Variants in MSI2 observed in about 807,000 individuals in gnomAD.
The protein encoded by MSI2 is RNA-binding protein Musashi homolog 2.
MSI2 carries 17 observed loss-of-function variants against 45.6 expected under a neutral mutation model. The observed-to-expected ratio is 0.37, with a 90% confidence interval of 0.26 to 0.56. The LOEUF (loss-of-function observed/expected upper bound fraction) is 0.56, where lower values mean the gene tolerates loss of function less well. MSI2 is among the 20% of genes least tolerant of loss of function. The pLI is 0.77. For missense variants in MSI2, 293 were observed against 444.2 expected (o/e 0.66, Z 3.06); for synonymous variants, 156 against 158.2 (o/e 0.99, Z 0.11).
downstream of MSI2, among the ~76,000 whole-genome samples, chr17:57,687,038 T>C (rs939002086): frequency 6.8e-6 from 1 of 146,868 alleles, no homozygotes; most frequent in African/African-American, 2.5e-5. Context: ...AAACAAATAA[T>C]TAACATGTGG....
chr17:57,449,064 C>A (rs1323645678), intron 6 of MSI2: 1 of 152,260 alleles, frequency 6.6e-6, no homozygotes, highest in Admixed American at 6.5e-5. Context: ...AGGGTTGACA[C>A]CCACATATCA....
intron 11 of MSI2, among the ~76,000 whole-genome samples, chr17:57,653,503 G>A (rs904751192): frequency 5.3e-5 from 8 of 152,146 alleles, no homozygotes; most frequent in Non-Finnish European, 1.0e-4. Context: ...GGGCCCCGGG[G>A]GCGGGGTGCA....
At chr17:57,636,423 G>A (rs570931317) in intron 10 of MSI2, among the ~76,000 whole-genome samples, 127 of 152,296 alleles carry the variant, frequency 8.3e-4, no homozygotes, top group African/African-American at 3.0e-3. Context: ...ACCGGGGGGA[G>A]CAACTTCAGA....
At chr17:57,477,145 GGTGTGTGTGTGTGTGTGTGTGTGT>G (rs59127306) in intron 6 of MSI2, among the ~76,000 whole-genome samples, 25 of 118,656 alleles carry the variant, frequency 2.1e-4, no homozygotes, top group South Asian at 1.3e-3. Flanking sequence ...CATAAGGCCT[GGTGTGTGTGTGTGTGTGTGTGTGT>G]GTGTGTGTGT....
chr17:57,456,518 C>T (rs548802084), intron 6 of MSI2, among the ~76,000 whole-genome samples: 2 of 152,178 alleles, frequency 1.3e-5, no homozygotes, highest in East Asian at 1.9e-4. Context: ...TTGCTTGAAC[C>T]TGGGAGGCAG....
At chr17:57,581,882 G>A (rs1031539927) in intron 7 of MSI2, among the ~76,000 whole-genome samples, 1 of 152,228 alleles carries the variant, frequency 6.6e-6, no homozygotes, top group Non-Finnish European at 1.5e-5. Flanking sequence ...TATTCAGAAT[G>A]CTAATAGAAT....
chr17:57,481,693 CCTAA>C (rs2085650729), intron 6 of MSI2, among the ~76,000 whole-genome samples: 1 of 152,126 alleles, frequency 6.6e-6, no homozygotes, highest in African/African-American at 2.4e-5. Flanking sequence ...TCATTTGCTC[CCTAA>C]CTTTTACCCC....
chr17:57,680,714 T>A lies in MSI2; in HGVS notation c.*1197T>A, dbSNP rs1459835896. 8 of 171,676 alleles carry A rather than the reference T, an allele frequency of 4.7e-5. No homozygotes were observed. In the East Asian group the frequency reaches 7.7e-4, roughly 16 times the overall value. The allele number at this position is 171,676 out of a possible 1,614,324, so 10.6% of individuals were successfully genotyped here. A position where few individuals can be genotyped will look rare whatever the true frequency, so the allele number is the denominator to read the frequency against. Reference sequence around the variant, plus strand: ...TAAAAACAAAGCTACAATTTTAATATTTAACATATTTAAAGTTTCAAAGCA... The same window carrying A: ...TAAAAACAAAGCTACAATTTTAATAATTAACATATTTAAAGTTTCAAAGCA... On this transcript the variant is annotated 3_prime_UTR_variant, in exon 14 of 14. Transcript: ENST00000284073.
chr17:57,445,324 T>G (rs12949258), intron 6 of MSI2, among the ~76,000 whole-genome samples: 62,020 of 152,044 alleles, frequency 0.41, 12,892 homozygotes, highest in Middle Eastern at 0.47. Flanking sequence ...TACAAGCCTT[T>G]TATGTGACAT....
intron 5 of MSI2, among the ~76,000 whole-genome samples, chr17:57,312,613 G>A (rs2143614977): frequency 6.6e-6 from 1 of 152,314 alleles, no homozygotes. Flanking sequence ...TCCTGTGTGA[G>A]AAGGAAAAGA....
chr17:57,432,703 C>G (rs1371223400), intron 6 of MSI2: 1 of 152,696 alleles, frequency 6.5e-6, no homozygotes, highest in African/African-American at 2.4e-5. Flanking sequence ...ACTGACCTCA[C>G]TGACTCCAGT....
chr17:57,402,281 C>T (rs1174683687), intron 6 of MSI2, among the ~76,000 whole-genome samples: 1 of 152,136 alleles, frequency 6.6e-6, no homozygotes. Flanking sequence ...TTTGTGTATA[C>T]CACCCTCCTC....
intron 6 of MSI2, among the ~76,000 whole-genome samples, chr17:57,518,452 G>A (rs1049487440): frequency 5.9e-5 from 9 of 152,170 alleles, no homozygotes; most frequent in African/African-American, 9.7e-5. Context: ...ATATCAGCCC[G>A]TATTAGGACA....
intron 7 of MSI2, among the ~76,000 whole-genome samples, chr17:57,550,790 G>A (rs62058104): frequency 0.16 from 23,967 of 152,000 alleles, 2,121 homozygotes; most frequent in Middle Eastern, 0.23. Context: ...TAGACAGTTC[G>A]CACATCCAAG....
chr17:57,275,730 A>G (rs1908782139), intron 5 of MSI2, among the ~76,000 whole-genome samples: 1 of 152,158 alleles, frequency 6.6e-6, no homozygotes. Flanking sequence ...TAGTGTGTAG[A>G]GGACGGAAAG....
At chr17:57,405,300 G>C (rs775897296) in intron 6 of MSI2, among the ~76,000 whole-genome samples, 4 of 152,200 alleles carry the variant, frequency 2.6e-5, no homozygotes, top group Non-Finnish European at 4.4e-5. Flanking sequence ...GATGAAAGCA[G>C]CCATCACCAG....
At chr17:57,498,663 C>T (rs922474089) in intron 6 of MSI2, among the ~76,000 whole-genome samples, 4 of 152,220 alleles carry the variant, frequency 2.6e-5, no homozygotes, top group African/African-American at 9.7e-5. Context: ...CAGTACACAG[C>T]ATGTTTTGAG....
At chr17:57,319,379 C>T (rs1214953442) in intron 5 of MSI2, among the ~76,000 whole-genome samples, 2 of 152,146 alleles carry the variant, frequency 1.3e-5, no homozygotes, top group Non-Finnish European at 2.9e-5. Context: ...GTCCAGATTC[C>T]CCCTGGAAAC....
chr17:57,513,779 A>G (rs1598352396), intron 6 of MSI2, among the ~76,000 whole-genome samples: 1 of 151,964 alleles, frequency 6.6e-6, no homozygotes, highest in Non-Finnish European at 1.5e-5. Context: ...TGAGTGCCAC[A>G]TAGTTCCTGA....
Sources: gnomAD v4.1 joint callset for allele counts (sites outside exome capture counted in the v4.1 genomes callset) on GRCh38, gnomAD v4.1.1 for gene constraint, MANE v1.5 for transcripts, NCBI Gene and HGNC (gene_info 2026-07-23, HGNC 2026-07-21) for gene names.